GPC4: variants seen among roughly 807,000 people sequenced by gnomAD.
The protein encoded by GPC4 is glypican-4.
GPC4 carries 10 observed loss-of-function variants against 35.0 expected under a neutral mutation model. That is an observed-to-expected ratio of 0.29 (90% confidence interval 0.18 to 0.48). GPC4 has a LOEUF of 0.48. GPC4 is among the 20% of genes least tolerant of loss of function. GPC4 has a pLI of 0.99. For missense variants in GPC4, 322 were observed against 451.3 expected (o/e 0.71, Z 2.60); for synonymous variants, 167 against 170.2 (o/e 0.98, Z 0.15).
intron 1 of GPC4, among the ~76,000 whole-genome samples, chrX:133,400,215 A>C (rs932689470): frequency 8.9e-6 from 1 of 112,218 alleles, no homozygotes; most frequent in African/African-American, 3.2e-5. Context: ...GCACTACTGC[A>C]CAAGTGCTCT....
chrX:133,307,789 TAACAAC>T (rs761210187), intron 4 of GPC4, among the ~76,000 whole-genome samples: 2 of 111,681 alleles, frequency 1.8e-5, no homozygotes, highest in Admixed American at 9.5e-5. Flanking sequence ...GACGTTTAAA[TAACAAC>T]AACAACAACA....
chrX:133,321,310 T>C (rs2068363636), intron 3 of GPC4, among the ~76,000 whole-genome samples: 1 of 111,404 alleles, frequency 9.0e-6, no homozygotes, highest in Admixed American at 9.5e-5. Flanking sequence ...ATCAATTGTC[T>C]CTAAACTTCT....
intron 1 of GPC4, among the ~76,000 whole-genome samples, chrX:133,374,595 G>A (rs2068626161): frequency 8.9e-6 from 1 of 111,809 alleles, no homozygotes; most frequent in Non-Finnish European, 1.9e-5. Flanking sequence ...CTGACTGTAT[G>A]ACCTTGAGAA....
intron 1 of GPC4, among the ~76,000 whole-genome samples, chrX:133,350,117 G>C (rs2068510737): frequency 9.0e-6 from 1 of 111,072 alleles, no homozygotes; most frequent in Non-Finnish European, 1.9e-5. Context: ...TATACCAGAA[G>C]AATAACATAT....
intron 4 of GPC4, among the ~76,000 whole-genome samples, chrX:133,306,993 G>A (rs2068293621): frequency 8.9e-6 from 1 of 112,008 alleles, no homozygotes; most frequent in Non-Finnish European, 1.9e-5. Context: ...AGGATTATGA[G>A]GCTTAGTATT....
At chrX:133,332,654 C>G (rs1448375975) in intron 2 of GPC4, among the ~76,000 whole-genome samples, 3 of 112,040 alleles carry the variant, frequency 2.7e-5, no homozygotes, top group Non-Finnish European at 5.6e-5. Flanking sequence ...CCATTTTGGC[C>G]TCCCAAACTG....
At chrX:133,372,814 G>C (rs1357825538) in intron 1 of GPC4, among the ~76,000 whole-genome samples, 1 of 112,292 alleles carries the variant, frequency 8.9e-6, no homozygotes, top group Non-Finnish European at 1.9e-5. Context: ...TTGTTGGACA[G>C]CATGAAAGCC....
intron 1 of GPC4, among the ~76,000 whole-genome samples, chrX:133,368,316 G>GATAGCCA (rs1241056334): frequency 1.8e-5 from 2 of 111,283 alleles, no homozygotes; most frequent in Non-Finnish European, 3.8e-5. Flanking sequence ...CAATTATGTG[G>GATAGCCA]ATAGCCAACC....
rs765748920 is a variant in GPC4, at chrX:133,392,909, GA to G, written c.160+21896del. The stretch of plus-strand genomic sequence containing the variant: ...CAGGACCCGTTGAAAGATAAAAGAT[GA>G]GGCAGACAATTTAAAAGGCGAGACT... On this transcript the variant is annotated intron_variant, in intron 1 of 8. Coordinates refer to ENST00000370828, the MANE Select transcript of GPC4 (RefSeq NM_001448.3). Among the ~76,000 whole-genome samples, 794 of 111,661 alleles carry G rather than the reference GA, an allele frequency of 7.1e-3. 10 individuals carry two copies. Among genetic ancestry groups the G allele is most frequent in the African/African-American group, 0.025 (760 of 30,660 alleles).
intron 1 of GPC4, among the ~76,000 whole-genome samples, chrX:133,354,585 G>T: frequency 1.2e-5 from 1 of 83,555 alleles, no homozygotes; most frequent in African/African-American, 5.8e-5. Flanking sequence ...TTTTTGAGAC[G>T]GAGTCTCGCT....
In GPC4 at chrX:133,406,747, CAAA is replaced by C. The variant is rs56973194; in HGVS notation, c.160+8056_160+8058del. Among the ~76,000 whole-genome samples the C allele has an allele frequency of 8.5e-3, 325 of 38,307 alleles. 1 individual carries two copies. The highest frequency in any genetic ancestry group is 0.027 in the South Asian group (15 of 556). 33.3% of individuals were successfully genotyped at this position (38,307 alleles called of 115,157 possible). On this transcript the variant is annotated intron_variant, in intron 1 of 8. Transcript: ENST00000370828. ...TTGGCAACAGAGCAAGACTTCGTCT[CAAA>C]AAAAAAAAAAAAAAAAAAAGAAAAT...
intron 8 of GPC4, 22 bp from the exon 9 acceptor site, chrX:133,303,091 T>C (rs752505426): frequency 5.0e-6 from 6 of 1,207,347 alleles, no homozygotes; most frequent in Admixed American, 4.4e-5. Context: ...AAAAATGGAA[T>C]AGAAATTTCA....
chrX:133,368,801 C>A (rs1051465424), intron 1 of GPC4, among the ~76,000 whole-genome samples: 1 of 110,151 alleles, frequency 9.1e-6, no homozygotes, highest in Non-Finnish European at 1.9e-5. Flanking sequence ...CCCGCCACCA[C>A]ACCCAGCTAA....
At chrX:133,361,397 A>G (rs1016895293) in intron 1 of GPC4, among the ~76,000 whole-genome samples, 1 of 111,901 alleles carries the variant, frequency 8.9e-6, no homozygotes. Flanking sequence ...AGAAGAAAAG[A>G]GCTAAGTAAA....
At chrX:133,331,111 G>A (rs1032025665) in intron 2 of GPC4, among the ~76,000 whole-genome samples, 9 of 111,802 alleles carry the variant, frequency 8.0e-5, no homozygotes, top group Admixed American at 5.7e-4. Context: ...GCTTTTATTC[G>A]TGAACACATT....
chrX:133,380,152 G>C (rs1446198758), intron 1 of GPC4, among the ~76,000 whole-genome samples: 1 of 110,484 alleles, frequency 9.1e-6, no homozygotes, highest in Non-Finnish European at 1.9e-5. Flanking sequence ...GCCTGGCTAA[G>C]ACGGCAAAAC....
At chrX:133,372,441 T>G (rs1010134232) in intron 1 of GPC4, among the ~76,000 whole-genome samples, 1 of 110,067 alleles carries the variant, frequency 9.1e-6, no homozygotes, top group African/African-American at 3.3e-5. Flanking sequence ...TCCCTCCTTT[T>G]TCTTATCAAT....
At chrX:133,367,602 C>A (rs952345335) in intron 1 of GPC4, among the ~76,000 whole-genome samples, 1 of 112,236 alleles carries the variant, frequency 8.9e-6, no homozygotes, top group Middle Eastern at 4.2e-3. Context: ...GGTGCGGTGG[C>A]TAATGCCTGT....
chrX:133,324,335 C>T lies in GPC4; in HGVS notation c.521G>A (p.Arg174His). 1 of 1,210,942 alleles carries T rather than the reference C, an allele frequency of 8.3e-7. No homozygotes were observed. Among genetic ancestry groups the T allele is most frequent in the South Asian group, 1.8e-5 (1 of 56,801 alleles). The change falls in exon 3 of 9, where the codon CGC becomes CAC. Residue 174 changes from arginine (R) to histidine (H), a missense_variant. Physicochemically the swap from Arg to His is conservative, Grantham distance 29. Transcript: ENST00000370828. ...AAAGTGGTACTGGGAGTTCACCAGG[C>T]GGAACATCCGCTCCAGGAGGCGAGC... ...FWARLLERMFRLVNSQYHFTD... is the reference protein window; with the variant it reads ...FWARLLERMFHLVNSQYHFTD...
Sources: gnomAD v4.1 joint callset for allele counts (sites outside exome capture counted in the v4.1 genomes callset) on GRCh38, gnomAD v4.1.1 for gene constraint, MANE v1.5 for transcripts, NCBI Gene and HGNC (gene_info 2026-07-23, HGNC 2026-07-21) for gene names.